Variants in NCBP3 observed in about 807,000 individuals in gnomAD.
The protein encoded by NCBP3 is nuclear cap-binding protein subunit 3.
A neutral mutation model predicts 75.7 loss-of-function variants in NCBP3; 20 were observed. The observed-to-expected ratio is 0.26, with a 90% CI of 0.19 to 0.38. The LOEUF is 0.38. NCBP3 is among the 10% of genes least tolerant of loss of function. The probability of loss-of-function intolerance (pLI) is 1.00; values close to 1 mark genes in which losing one functional copy is unlikely to be tolerated. For synonymous variants in NCBP3, 293 were observed against 290.5 expected, an observed-to-expected ratio of 1.01 and a Z score of -0.09; for missense variants, 678 against 796.9, an observed-to-expected ratio of 0.85 and a Z score of 1.80.
chr17:3,802,645 C>CCCT lies in NCBP3; in HGVS notation c.*10396_*10398dup, dbSNP rs2053283218. The CCCT allele has an allele frequency of 2.0e-5, 3 of 152,268 alleles. No homozygotes were observed. The South Asian group carries it at 6.2e-4, about 32-fold the overall frequency. 9.4% of individuals were successfully genotyped at this position (152,268 alleles called of 1,614,324 possible). A position where few individuals can be genotyped will look rare whatever the true frequency, so the allele number is the denominator to read the frequency against. On this transcript the variant is annotated 3_prime_UTR_variant, in exon 13 of 13. Coordinates refer to ENST00000389005, the MANE Select transcript of NCBP3 (RefSeq NM_001114118.3). ...CTTCCCAGCGCTCCAGGGCTCGTGA[C>CCCT]CCTCCTCCTCCCCTCACTTCATTCT...
chr17:3,824,415 C>CAT (rs1567587186), intron 7 of NCBP3: 1 of 141,092 alleles, frequency 7.1e-6, no homozygotes, highest in African/African-American at 2.7e-5. Context: ...TATACACATA[C>CAT]ACATACATAC....
At chr17:3,835,567 A>G (rs2053959264) in intron 3 of NCBP3, among the ~76,000 whole-genome samples, 1 of 152,286 alleles carries the variant, frequency 6.6e-6, no homozygotes, top group East Asian at 1.9e-4. Flanking sequence ...TAACTGACGG[A>G]CAGAAATTAC....
rs547872580 is a variant in NCBP3, at chr17:3,808,681, G to A, written c.*4363C>T. The A allele has an allele frequency of 1.3e-5, 2 of 152,388 alleles. No individual in the cohort carries two copies. The highest frequency in any genetic ancestry group is 4.8e-5 in the African/African-American group (2 of 41,538). The allele number at this position is 152,388 out of a possible 1,614,324, so 9.4% of individuals were successfully genotyped here. ...GAACAGGCCAGGGATACTGCCAGAG[G>A]ATAGACCTTGGTGAGCCTCATAACA... On this transcript the variant is annotated 3_prime_UTR_variant, in exon 13 of 13. Coordinates refer to ENST00000389005, the MANE Select transcript of NCBP3 (RefSeq NM_001114118.3).
intron 3 of NCBP3, 129 bp downstream of exon 3, chr17:3,839,971 G>T: frequency 1.5e-6 from 1 of 654,442 alleles, no homozygotes; most frequent in Non-Finnish European, 2.7e-6. Flanking sequence ...AGACTTCACA[G>T]GTCCCTTCTC....
At position 3,803,742 on chromosome 17, in the gene NCBP3, C is replaced by A. The variant is rs1368050076; in HGVS notation, c.*9302G>T. 1 of 152,116 alleles carries A rather than the reference C, an allele frequency of 6.6e-6. No individual in the cohort carries two copies. Among genetic ancestry groups the A allele is most frequent in the African/African-American group, 2.4e-5 (1 of 41,440 alleles). The allele number at this position is 152,116 out of a possible 1,614,324, so 9.4% of individuals were successfully genotyped here. ...TTTAAATATTTTAAAAAATTTTTTT[C>A]TTTCTCCCCTTGATACCAGGAAGAA... On this transcript the variant is annotated 3_prime_UTR_variant, in exon 13 of 13. Coordinates refer to ENST00000389005, the MANE Select transcript of NCBP3 (RefSeq NM_001114118.3).
At chr17:3,837,036 T>C (rs1242046801) in intron 3 of NCBP3, among the ~76,000 whole-genome samples, 1 of 151,584 alleles carries the variant, frequency 6.6e-6, no homozygotes, top group Non-Finnish European at 1.5e-5. Flanking sequence ...TAGTCCCAGC[T>C]ACTCGGGAGG....
At chr17:3,814,189 T>C (rs2053481359) in intron 12 of NCBP3, 133 bp downstream of exon 12, 9 of 920,296 alleles carry the variant, frequency 9.8e-6, no homozygotes, top group South Asian at 3.4e-5. Context: ...ATAACTATAA[T>C]GGAAAAGGAA....
chr17:3,829,129 G>A, intron 4 of NCBP3, 114 bp downstream of exon 4: 1 of 1,201,072 alleles, frequency 8.3e-7, no homozygotes, highest in East Asian at 2.6e-5. Flanking sequence ...ACTAACAGCA[G>A]AAGTTCGGCA....
At chr17:3,831,369 CGAG>C (rs2053874983) in intron 3 of NCBP3, among the ~76,000 whole-genome samples, 1 of 151,342 alleles carries the variant, frequency 6.6e-6, no homozygotes, top group Non-Finnish European at 1.5e-5. Flanking sequence ...GTCAAGAGGT[CGAG>C]ACCATCTGGC....
At chr17:3,834,162 A>G (rs1339355480) in intron 3 of NCBP3, among the ~76,000 whole-genome samples, 1 of 152,236 alleles carries the variant, frequency 6.6e-6, no homozygotes, top group East Asian at 1.9e-4. Context: ...CACATGTAGG[A>G]GAGAGACGGA....
intron 1 of NCBP3, among the ~76,000 whole-genome samples, chr17:3,845,042 G>A (rs879496430): frequency 4.6e-5 from 7 of 152,196 alleles, no homozygotes; most frequent in East Asian, 1.9e-4. Flanking sequence ...TTTTGAGATG[G>A]GGAGAGGGGA....
At chr17:3,841,057 A>C (rs1597415734) in intron 2 of NCBP3, among the ~76,000 whole-genome samples, 1 of 152,018 alleles carries the variant, frequency 6.6e-6, no homozygotes, top group Non-Finnish European at 1.5e-5. Flanking sequence ...GCTCACAGCA[A>C]CCTCCGCCTC....
At chr17:3,819,229 G>A (rs1426324227) in intron 9 of NCBP3, among the ~76,000 whole-genome samples, 2 of 152,152 alleles carry the variant, frequency 1.3e-5, no homozygotes, top group African/African-American at 4.8e-5. Context: ...CAATGTTAAC[G>A]AATCAACAAT....
At chr17:3,817,208 C>T (rs1407405927) in intron 10 of NCBP3, among the ~76,000 whole-genome samples, 1 of 152,076 alleles carries the variant, frequency 6.6e-6, no homozygotes, top group Non-Finnish European at 1.5e-5. Flanking sequence ...CAAAGACATG[C>T]ACATTAAAAT....
At chr17:3,825,210 C>T (rs930394424) in intron 6 of NCBP3, among the ~76,000 whole-genome samples, 160 bp from the exon 7 acceptor site, 1 of 152,142 alleles carries the variant, frequency 6.6e-6, no homozygotes, top group African/African-American at 2.4e-5. Context: ...TTCCCCTGCC[C>T]ACCTTGTCTA....
At chr17:3,815,678 AT>A (rs1394676226) in intron 11 of NCBP3, among the ~76,000 whole-genome samples, 3 of 152,262 alleles carry the variant, frequency 2.0e-5, no homozygotes, top group African/African-American at 4.8e-5. Flanking sequence ...ACAGCAAAAA[AT>A]AATACAAATT....
At chr17:3,840,327 C>G in intron 2 of NCBP3, 122 bp from the exon 3 acceptor site, 1 of 733,988 alleles carries the variant, frequency 1.4e-6, no homozygotes, top group East Asian at 2.7e-5. Flanking sequence ...AACACTACAC[C>G]TTGAATCAGT....
At chr17:3,839,995 G>A in intron 3 of NCBP3, 105 bp downstream of exon 3, 1 of 805,552 alleles carries the variant, frequency 1.2e-6, no homozygotes, top group South Asian at 1.6e-5. Flanking sequence ...AGAGTGCTTG[G>A]ATAAGGAGTG....
rs1276369623 is a variant in NCBP3, at chr17:3,818,659, A to AGGTG, written c.1001-91_1001-88dup. The AGGTG allele has an allele frequency of 6.9e-7, 1 of 1,444,424 alleles. No homozygotes were observed. The highest frequency in any genetic ancestry group is 9.3e-7 in the Non-Finnish European group (1 of 1,080,324). The allele number at this position is 1,444,424 out of a possible 1,614,324, so 89.5% of individuals were successfully genotyped here. A position where few individuals can be genotyped will look rare whatever the true frequency, so the allele number is the denominator to read the frequency against. Reference sequence around the variant, plus strand: ...ACTCTACATCGGTGACCTTTTTAAAAGGTGGGGTTCCCATCCCTGACATTT... The same window carrying AGGTG: ...ACTCTACATCGGTGACCTTTTTAAAAGGTGGGTGGGGTTCCCATCCCTGACATTT... On this transcript the variant is annotated intron_variant, in intron 9 of 12. Coordinates refer to ENST00000389005, the MANE Select transcript of NCBP3 (RefSeq NM_001114118.3). This position sits in a 1 kb window ranked among gnomAD's most constrained non-coding sequence, Gnocchi z 4.7.
Sources: gnomAD v4.1 joint callset for allele counts (sites outside exome capture counted in the v4.1 genomes callset) on GRCh38, gnomAD v4.1.1 for gene constraint, Gnocchi (gnomAD v3.1) non-coding constraint, MANE v1.5 for transcripts, NCBI Gene and HGNC (gene_info 2026-07-23, HGNC 2026-07-21) for gene names.